SORT1: variants seen among roughly 807,000 people sequenced by gnomAD.
SORT1 encodes sortilin 1, also known as sortilin.
SORT1 carries 39 observed loss-of-function variants against 101.7 expected under a neutral mutation model. The ratio of observed to expected loss-of-function variants is 0.38; its 90% confidence interval spans 0.30 to 0.50. SORT1 has a LOEUF of 0.50. Ranked by LOEUF, SORT1 falls within the 20% of genes least tolerant of loss-of-function variation. SORT1 has a pLI of 0.90. For synonymous variants in SORT1, 396 were observed against 393.7 expected, an observed-to-expected ratio of 1.01 and a Z score of -0.07; for missense variants, 878 against 1,040.4, an observed-to-expected ratio of 0.84 and a Z score of 2.15.
At chr1:109,363,432 T>C (rs945442313) in intron 3 of SORT1, among the ~76,000 whole-genome samples, 10 of 152,246 alleles carry the variant, frequency 6.6e-5, no homozygotes, top group Admixed American at 2.6e-4. Context: ...AAATGGAAAA[T>C]ATGCATATGT....
intron 11 of SORT1, among the ~76,000 whole-genome samples, chr1:109,331,972 T>C (rs1488976033): frequency 1.6e-5 from 2 of 121,266 alleles, no homozygotes; most frequent in African/African-American, 6.4e-5. Flanking sequence ...AACTTAGGGA[T>C]AAATTTAACC....
chr1:109,351,965 GGTGTGTGTGTGTGTGTGTGTGTGTGT>G (rs10540637), intron 5 of SORT1, among the ~76,000 whole-genome samples: 2 of 147,412 alleles, frequency 1.4e-5, no homozygotes, highest in African/African-American at 5.0e-5. Context: ...GAGAGGTAGG[GGTGTGTGTGTGTGTGTGTGTGTGTGT>G]GTGTGTGTGT....
At chr1:109,333,946 A>C (rs1346763019) in intron 11 of SORT1, among the ~76,000 whole-genome samples, 1 of 152,192 alleles carries the variant, frequency 6.6e-6, no homozygotes, top group Admixed American at 6.5e-5. Context: ...GGAGTTCGAG[A>C]CCAGCCTGGC....
At chr1:109,381,504 T>C (rs1652233767) in intron 1 of SORT1, among the ~76,000 whole-genome samples, 1 of 152,206 alleles carries the variant, frequency 6.6e-6, no homozygotes, top group Admixed American at 6.5e-5. Context: ...CATTGAAAGA[T>C]ACTCAGAGCA....
At chr1:109,337,431 C>T (rs557841101) in intron 10 of SORT1, among the ~76,000 whole-genome samples, 30 of 151,746 alleles carry the variant, frequency 2.0e-4, no homozygotes, top group Non-Finnish European at 3.2e-4. Flanking sequence ...TTAGTAGAGA[C>T]GGGGTTTCAC....
chr1:109,368,284 ACT>A (rs1651233534), intron 2 of SORT1, among the ~76,000 whole-genome samples: 1 of 138,146 alleles, frequency 7.2e-6, no homozygotes. Flanking sequence ...ACAGAGCAAG[ACT>A]CTGTCTCAAA....
intron 3 of SORT1, 126 bp downstream of exon 3, chr1:109,367,282 T>G (rs1651156580): frequency 1.6e-6 from 1 of 625,590 alleles, no homozygotes; most frequent in East Asian, 2.8e-5. Flanking sequence ...GACAGTCTGG[T>G]GAAAACTTAG....
chr1:109,365,840 G>C (rs1450868543), intron 3 of SORT1, among the ~76,000 whole-genome samples: 1 of 152,168 alleles, frequency 6.6e-6, no homozygotes, highest in Admixed American at 6.5e-5. Flanking sequence ...TTGAAGGGCA[G>C]AGACCTCTGG....
intron 18 of SORT1, 92 bp downstream of exon 18, chr1:109,314,580 C>T (rs1658924417): frequency 9.1e-7 from 1 of 1,095,610 alleles, no homozygotes; most frequent in Non-Finnish European, 1.4e-6. Flanking sequence ...CTGCAAGTAC[C>T]TAGTTTTTGC....
At position 109,352,899 on chromosome 1, in the gene SORT1, G is replaced by A. The variant is rs149511399; in HGVS notation, c.708+1468C>T. 4.0e-3 allele frequency among the ~76,000 whole-genome samples: 603 copies of A among 152,314 alleles called. 2 individuals are homozygous for A. The highest frequency in any genetic ancestry group is 0.014 in the African/African-American group (568 of 41,568). ...CAGTAGTCAAAGGGGAGCTCTATGG[G>A]TCTGTTCACTCCTTGCTCCCTTATA... is the stretch of plus-strand genomic sequence containing the variant. On this transcript the variant is annotated intron_variant, in intron 5 of 19. Coordinates refer to ENST00000256637, the MANE Select transcript of SORT1 (RefSeq NM_002959.7).
At chr1:109,330,062 C>T (rs976987172) in intron 11 of SORT1, among the ~76,000 whole-genome samples, 4 of 152,094 alleles carry the variant, frequency 2.6e-5, no homozygotes, top group African/African-American at 7.2e-5. Flanking sequence ...AGTGCAGTGG[C>T]GTGATCTTGG....
At chr1:109,389,129 C>A (rs531095771) in intron 1 of SORT1, among the ~76,000 whole-genome samples, 2 of 152,306 alleles carry the variant, frequency 1.3e-5, no homozygotes, top group African/African-American at 4.8e-5. Flanking sequence ...CTATCAGGAT[C>A]ACCTGGCTGA....
intron 13 of SORT1, among the ~76,000 whole-genome samples, chr1:109,326,432 T>C (rs1263267861): frequency 7.2e-5 from 1 of 13,978 alleles, no homozygotes; most frequent in East Asian, 5.6e-3. Flanking sequence ...AGAAAGAATA[T>C]ATATATATAT....
chr1:109,324,357 C>T (rs1400148034), intron 14 of SORT1, among the ~76,000 whole-genome samples: 5 of 152,126 alleles, frequency 3.3e-5, no homozygotes, highest in African/African-American at 9.7e-5. Context: ...AGGCTGGTTT[C>T]GAACTCCTGA....
chr1:109,356,377 C>G (rs1347560768), intron 3 of SORT1, among the ~76,000 whole-genome samples: 2 of 152,330 alleles, frequency 1.3e-5, no homozygotes, highest in East Asian at 3.9e-4. Flanking sequence ...CTGCTATCGT[C>G]ATTCTGTCAC....
chr1:109,322,747 C>T (rs1345211499), intron 15 of SORT1, among the ~76,000 whole-genome samples, 185 bp downstream of exon 15: 1 of 152,160 alleles, frequency 6.6e-6, no homozygotes, highest in Non-Finnish European at 1.5e-5. Flanking sequence ...ACCATGTTGA[C>T]CAGGCTGGTC....
intron 13 of SORT1, among the ~76,000 whole-genome samples, chr1:109,326,025 AT>A (rs572098131): frequency 4.0e-4 from 60 of 150,916 alleles, no homozygotes; most frequent in African/African-American, 1.4e-3. Context: ...ATAAATAACA[AT>A]CAAATTATTT....
intron 2 of SORT1, 46 bp downstream of exon 2, chr1:109,369,484 T>A: frequency 4.9e-6 from 6 of 1,234,166 alleles, no homozygotes; most frequent in Non-Finnish European, 7.2e-6. Flanking sequence ...AAATCTGTTA[T>A]CATCTTCTTG....
intron 1 of SORT1, among the ~76,000 whole-genome samples, chr1:109,375,981 A>G (rs1249608510): frequency 6.6e-6 from 1 of 152,190 alleles, no homozygotes; most frequent in Non-Finnish European, 1.5e-5. Flanking sequence ...CTGTGGAGAA[A>G]AGGGAGTGTT....
Sources: gnomAD v4.1 joint callset for allele counts (sites outside exome capture counted in the v4.1 genomes callset) on GRCh38, gnomAD v4.1.1 for gene constraint, MANE v1.5 for transcripts, NCBI Gene and HGNC (gene_info 2026-07-23, HGNC 2026-07-21) for gene names.